Variants in LIFR observed in about 807,000 individuals in gnomAD.
LIFR encodes the protein leukemia inhibitory factor receptor.
A neutral mutation model predicts 122.2 loss-of-function variants in LIFR; 84 were observed. That is an observed-to-expected ratio of 0.69 (90% confidence interval 0.58 to 0.82). The LOEUF is 0.82. Among genes scored for constraint, LIFR ranks in the 40% least tolerant of loss-of-function variants. The pLI, the probability that LIFR is intolerant of heterozygous loss-of-function variation, is 0.00. For synonymous variants in LIFR, 422 were observed against 434.7 expected, an observed-to-expected ratio of 0.97 and a Z score of 0.36; for missense variants, 1,294 against 1,311.6, an observed-to-expected ratio of 0.99 and a Z score of 0.21.
In LIFR at chr5:38,490,322, T is replaced by C. The variant is rs1028969156; in HGVS notation, c.2066-31A>G. The C allele has an allele frequency of 4.3e-6, 4 of 926,262 alleles. No homozygotes were observed. The African/African-American group carries it at 6.5e-5, about 15-fold the overall frequency. 57.4% of individuals were successfully genotyped at this position (926,262 alleles called of 1,614,324 possible). A position where few individuals can be genotyped will look rare whatever the true frequency, so the allele number is the denominator to read the frequency against. On this transcript the variant is annotated intron_variant, in intron 14 of 19. Transcript: ENST00000453190. ...GGATGAACATATCAGCAAACTTTCA[T>C]AAATATATTACTATGAATATCTATT...
chr5:38,493,649 C>G lies in LIFR; in HGVS notation c.2022G>C (p.Trp674Cys). ...SSRSEPCLMD[W>C]RKVPSNSTET... is the part of the protein sequence containing the mutation. ...CAGTGCTGTTTGAGGGAACTTTTCT[C>G]CAGTCCATAAGGCATGGTTCCGACC... Residue 674 changes from tryptophan (W) to cysteine (C), a missense_variant, in exon 14 of 20, where the codon TGG becomes TGC. Coordinates refer to ENST00000453190, the MANE Select transcript of LIFR (RefSeq NM_001127671.2). 1 of 1,614,170 alleles carries G rather than the reference C, an allele frequency of 6.2e-7. No individual in the cohort carries two copies. The highest frequency in any genetic ancestry group is 8.5e-7 in the Non-Finnish European group (1 of 1,180,024).
At position 38,510,628 on chromosome 5, in the gene LIFR, T is replaced by G. The variant is rs750365671; in HGVS notation, c.827A>C (p.Lys276Thr). The G allele has an allele frequency of 6.2e-7, 1 of 1,614,056 alleles. No homozygotes were observed. Among genetic ancestry groups the G allele is most frequent in the Non-Finnish European group, 8.5e-7 (1 of 1,179,976 alleles). Reference sequence around the variant, plus strand: ...ATGGCCAATCAGTGCTGATAACACTTTTTCTTGACTCACACAACAAAATGT... The same window carrying G: ...ATGGCCAATCAGTGCTGATAACACTGTTTCTTGACTCACACAACAAAATGT... ...DITFCCVSQE[K>T]VLSALIGHTN... The change falls in exon 7 of 20, where the codon AAA becomes ACA. Residue 276 changes from lysine to threonine, a missense_variant. Transcript: ENST00000453190.
At chr5:38,519,656 CTAA>C (rs988525233) in intron 5 of LIFR, among the ~76,000 whole-genome samples, 5 of 152,188 alleles carry the variant, frequency 3.3e-5, no homozygotes, top group African/African-American at 1.2e-4. Flanking sequence ...CATTCTGTTA[CTAA>C]TAATATCTTT....
intron 7 of LIFR, 71 bp downstream of exon 7, chr5:38,510,393 G>T: frequency 7.3e-7 from 1 of 1,376,140 alleles, no homozygotes; most frequent in Non-Finnish European, 1.0e-6. Context: ...CCCCACTCCA[G>T]AAGAATTAAG....
intron 11 of LIFR, 24 bp from the exon 12 acceptor site, chr5:38,499,607 A>C (rs1195470681): frequency 3.8e-5 from 57 of 1,487,552 alleles, no homozygotes; most frequent in Non-Finnish European, 5.3e-5. Flanking sequence ...TTTAAAGTTA[A>C]TATCTGAAGA....
At chr5:38,564,311 C>T (rs1019593168) in intron 1 of LIFR, among the ~76,000 whole-genome samples, 2 of 152,144 alleles carry the variant, frequency 1.3e-5, no homozygotes, top group Non-Finnish European at 2.9e-5. Context: ...CAGCCTTGAC[C>T]TCCTGGGTTC....
chr5:38,475,232 A>G lies in LIFR; in HGVS notation c.*6363T>C, dbSNP rs1579980233. 5.3e-6 allele frequency: 1 copy of G among 189,412 alleles called. No homozygotes were observed. Among genetic ancestry groups the G allele is most frequent in the Admixed American group, 6.2e-5 (1 of 16,260 alleles). The allele number at this position is 189,412 out of a possible 1,614,324, so 11.7% of individuals were successfully genotyped here. A position where few individuals can be genotyped will look rare whatever the true frequency, so the allele number is the denominator to read the frequency against. On this transcript the variant is annotated 3_prime_UTR_variant, in exon 20 of 20. Transcript: ENST00000453190. ...CATTCTAACAGCAATTTAAAATCCAAATTTTCACAAGGCAGGAAATGCTTC... is the reference window on the plus strand; with the variant it reads ...CATTCTAACAGCAATTTAAAATCCAGATTTTCACAAGGCAGGAAATGCTTC...
chr5:38,528,671 G>A (rs1223227336), intron 3 of LIFR, 55 bp downstream of exon 3: 1 of 999,742 alleles, frequency 1.0e-6, no homozygotes, highest in African/African-American at 1.6e-5. Flanking sequence ...AAGAACTGAG[G>A]GTCGTTTCTG....
chr5:38,586,468 T>TA (rs1288109795), intron 1 of LIFR, among the ~76,000 whole-genome samples: 49 of 152,226 alleles, frequency 3.2e-4, no homozygotes, highest in African/African-American at 1.2e-3. Flanking sequence ...TAACTGTAGT[T>TA]AGAGTGTTCA....
chr5:38,606,807 T>C (rs1475625227), intron 1 of LIFR, among the ~76,000 whole-genome samples: 1 of 152,144 alleles, frequency 6.6e-6, no homozygotes, highest in African/African-American at 2.4e-5. Context: ...TTTTCCCCCA[T>C]GGGGAAAGTT....
chr5:38,491,363 A>G (rs541785289), intron 14 of LIFR, among the ~76,000 whole-genome samples: 2 of 152,366 alleles, frequency 1.3e-5, no homozygotes, highest in East Asian at 1.9e-4. Context: ...AAGGGTAACC[A>G]TAACAGTGTG....
At chr5:38,519,658 A>G (rs2112531162) in intron 5 of LIFR, among the ~76,000 whole-genome samples, 1 of 152,220 alleles carries the variant, frequency 6.6e-6, no homozygotes, top group East Asian at 1.9e-4. Context: ...TTCTGTTACT[A>G]ATAATATCTT....
At chr5:38,591,912 G>T (rs1040955709) in intron 1 of LIFR, among the ~76,000 whole-genome samples, 32 of 152,166 alleles carry the variant, frequency 2.1e-4, no homozygotes, top group Non-Finnish European at 3.2e-4. Flanking sequence ...GTGAAAACCT[G>T]CATGCTGTGA....
chr5:38,482,325 G>T, intron 19 of LIFR, 107 bp from the exon 20 acceptor site: 1 of 1,048,486 alleles, frequency 9.5e-7, no homozygotes, highest in Non-Finnish European at 1.4e-6. Context: ...GTAAACAGGT[G>T]TCTCTACTAC....
intron 1 of LIFR, among the ~76,000 whole-genome samples, chr5:38,546,282 AC>A (rs1231245189): frequency 2.0e-5 from 3 of 152,322 alleles, no homozygotes; most frequent in East Asian, 3.9e-4. Flanking sequence ...AAGGAACAAA[AC>A]TGAATATCCA....
chr5:38,582,898 C>G (rs1271530576), intron 1 of LIFR, among the ~76,000 whole-genome samples: 1 of 152,220 alleles, frequency 6.6e-6, no homozygotes, highest in Non-Finnish European at 1.5e-5. Flanking sequence ...CATTGCCTTC[C>G]TTCTGAAACC....
chr5:38,492,435 T>TA (rs1414850456), intron 14 of LIFR, among the ~76,000 whole-genome samples: 1 of 152,102 alleles, frequency 6.6e-6, no homozygotes, highest in Non-Finnish European at 1.5e-5. Flanking sequence ...TGGAATCGTG[T>TA]AAGGCTCATT....
chr5:38,587,724 G>T (rs1749796689), intron 1 of LIFR, among the ~76,000 whole-genome samples: 1 of 152,188 alleles, frequency 6.6e-6, no homozygotes, highest in Non-Finnish European at 1.5e-5. Context: ...ATTGCCCAAA[G>T]TCACTTTAAA....
chr5:38,532,209 C>G (rs1747048597), intron 1 of LIFR, among the ~76,000 whole-genome samples: 1 of 152,166 alleles, frequency 6.6e-6, no homozygotes, highest in East Asian at 1.9e-4. Flanking sequence ...GACACAGGCC[C>G]TACAGCCATG....
Sources: gnomAD v4.1 joint callset for allele counts (sites outside exome capture counted in the v4.1 genomes callset) on GRCh38, gnomAD v4.1.1 for gene constraint, MANE v1.5 for transcripts, NCBI Gene and HGNC (gene_info 2026-07-23, HGNC 2026-07-21) for gene names.